Variants in NLRP2 observed in about 807,000 individuals in gnomAD.
The protein encoded by NLRP2 is NACHT, LRR and PYD domains-containing protein 2.
Under a neutral mutation model 97.2 loss-of-function variants are expected in NLRP2, and 107 were observed. That is an observed-to-expected ratio of 1.10 (90% CI 0.94 to 1.29). The LOEUF is 1.29. Ranked by LOEUF, NLRP2 falls within the 50% of genes most tolerant of loss-of-function variation. The pLI is 0.00. For missense variants in NLRP2, 1,495 were observed against 1,330.3 expected, an observed-to-expected ratio of 1.12 and a Z score of -1.93; for synonymous variants, 663 against 551.5, an observed-to-expected ratio of 1.20 and a Z score of -2.83.
intron 8 of NLRP2, among the ~76,000 whole-genome samples, chr19:54,986,929 G>C (rs1342932872): frequency 6.6e-6 from 1 of 151,732 alleles, no homozygotes; most frequent in Non-Finnish European, 1.5e-5. Context: ...CTGTCACCCA[G>C]GCTGGAGTGC....
intron 1 of NLRP2, among the ~76,000 whole-genome samples, chr19:54,968,396 C>T (rs1313261376): frequency 4.0e-5 from 6 of 151,842 alleles, no homozygotes; most frequent in African/African-American, 1.5e-4. Flanking sequence ...GCGATCACAG[C>T]TCACTGCAGC....
At chr19:54,988,092 G>C (rs771101485) in intron 8 of NLRP2, among the ~76,000 whole-genome samples, 1 of 152,102 alleles carries the variant, frequency 6.6e-6, no homozygotes, top group Non-Finnish European at 1.5e-5. Context: ...TACAATCTTA[G>C]GCTGCTTAAT....
chr19:54,974,341 T>A, intron 2 of NLRP2, 159 bp from the exon 3 acceptor site: 2 of 707,196 alleles, frequency 2.8e-6, no homozygotes, highest in South Asian at 1.6e-5. Flanking sequence ...AGAGTGACAC[T>A]CTGTCTCAAA....
At position 55,000,688 on chromosome 19, in the gene NLRP2, C is replaced by A. The variant is rs778518064; in HGVS notation, c.3051-72C>A. On this transcript the variant is annotated intron_variant, in intron 12 of 12. Coordinates refer to ENST00000448584, the MANE Select transcript of NLRP2 (RefSeq NM_017852.5). ...GCCCTGTGCCTCCTTAACAGACTTT[C>A]AGGTACTTGGGAATTTGAAACAAAT... 3 of 1,525,430 alleles carry A rather than the reference C, an allele frequency of 2.0e-6. No individual in the cohort carries two copies. In the East Asian group the frequency reaches 6.8e-5, roughly 35 times the overall value. 94.5% of individuals were successfully genotyped at this position (1,525,430 alleles called of 1,614,324 possible).
chr19:54,988,312 A>AGAT (rs1421536654), intron 8 of NLRP2, among the ~76,000 whole-genome samples: 2 of 151,960 alleles, frequency 1.3e-5, no homozygotes, highest in African/African-American at 4.8e-5. Flanking sequence ...TTTTTTCTCA[A>AGAT]GATATAGTCT....
intron 10 of NLRP2, 47 bp from the exon 11 acceptor site, chr19:54,994,222 A>ATTATAG: frequency 6.2e-7 from 1 of 1,606,548 alleles, no homozygotes; most frequent in Non-Finnish European, 8.5e-7. Context: ...CACAGCAGTG[A>ATTATAG]GAACTCACAG....
intron 12 of NLRP2, among the ~76,000 whole-genome samples, chr19:54,998,275 C>CCCAA (rs1053999082): frequency 1.1e-4 from 16 of 152,080 alleles, no homozygotes; most frequent in Admixed American, 9.8e-4. Context: ...ACCTCAGCAT[C>CCCAA]CCAAAGTGCT....
At chr19:54,971,929 A>T (rs965212066) in intron 2 of NLRP2, among the ~76,000 whole-genome samples, 4 of 151,686 alleles carry the variant, frequency 2.6e-5, no homozygotes, top group African/African-American at 9.7e-5. Context: ...CCCGGGTTCA[A>T]GCGATTCTCC....
At chr19:54,980,267 C>T (rs904578093) in intron 4 of NLRP2, among the ~76,000 whole-genome samples, 2 of 151,714 alleles carry the variant, frequency 1.3e-5, no homozygotes, top group African/African-American at 2.4e-5. Context: ...GGCGCAATCT[C>T]GGCTCACTGC....
intron 2 of NLRP2, among the ~76,000 whole-genome samples, chr19:54,972,855 G>C (rs1302611142): frequency 6.6e-6 from 1 of 152,010 alleles, no homozygotes; most frequent in African/African-American, 2.4e-5. Context: ...CCTGCCTACT[G>C]CCTGGGTTAT....
chr19:54,994,891 G>A (rs2072719793), intron 11 of NLRP2, among the ~76,000 whole-genome samples: 1 of 151,818 alleles, frequency 6.6e-6, no homozygotes, highest in African/African-American at 2.4e-5. Context: ...TTACAGGCGT[G>A]AGCCACTGCG....
chr19:54,989,980 CAAAAA>C, intron 8 of NLRP2, 37 bp from the exon 9 acceptor site: 1 of 1,499,806 alleles, frequency 6.7e-7, no homozygotes, highest in Non-Finnish European at 9.1e-7. Flanking sequence ...GACTCAGTCT[CAAAAA>C]AAAAAAAAAA....
Position 54,970,166 on chromosome 19 carries a change from G to C in NLRP2, c.151G>C (p.Asp51His). Reference sequence around the variant, plus strand: ...CCCCCACAAGGAGGTAGACAAGGCTGATGGGAAGCAACTGGTAGAAATCCT... The same window carrying C: ...CCCCCACAAGGAGGTAGACAAGGCTCATGGGAAGCAACTGGTAGAAATCCT... ...KIPHKEVDKA[D>H]GKQLVEILTT... Residue 51 changes from aspartate (D) to histidine (H), a missense_variant, in exon 2 of 13, where the codon GAT becomes CAT. Coordinates refer to ENST00000448584, the MANE Select transcript of NLRP2 (RefSeq NM_017852.5). 1 of 1,614,124 alleles carries C rather than the reference G, an allele frequency of 6.2e-7. No individual in the cohort carries two copies. The highest frequency in any genetic ancestry group is 1.1e-5 in the South Asian group (1 of 91,082).
rs753776748 is a variant in NLRP2 at position 54,982,635 on chromosome 19, C to A, written c.937C>A (p.Pro313Thr). The A allele has an allele frequency of 3.7e-5, 60 of 1,614,114 alleles. 2 individuals are homozygous for A. The South Asian group carries it at 6.5e-4, about 17-fold the overall frequency. Residue 313 changes from proline (P) to threonine (T), a missense_variant, in exon 6 of 13, where the codon CCG becomes ACG. By Grantham distance (38) the Pro-to-Thr change is conservative (BLOSUM62 -1). Coordinates refer to ENST00000448584, the MANE Select transcript of NLRP2 (RefSeq NM_017852.5). ...CTGCGGGGACTGGGAGAAGAAGAAG[C>A]CGGTGCCCGTCCTCCTGGGGAGTTT... ...DICGDWEKKK[P>T]VPVLLGSLLN...
rs1231821872 is a variant in NLRP2 at position 54,983,746 on chromosome 19, C to T, written c.2030+18C>T. ...GTTGAGAGGTGAGAACCGTTTCACT[C>T]TACCAGTCGTTCCATCTTTAGCCTC... is the stretch of plus-strand genomic sequence containing the variant. On this transcript the variant is annotated intron_variant, in intron 6 of 12. Transcript: ENST00000448584. 8 of 1,605,806 alleles carry T rather than the reference C, an allele frequency of 5.0e-6. No homozygotes were observed. Among genetic ancestry groups the T allele is most frequent in the Non-Finnish European group, 6.8e-6 (8 of 1,179,826 alleles).
At position 54,983,710 on chromosome 19, in the gene NLRP2, C is replaced by G; in HGVS notation, c.2012C>G (p.Ser671Ter). ...NLPENVTASE[S>*]DAEVERSQDD... The stretch of plus-strand genomic sequence containing the variant: ...CCGGAGAATGTCACTGCGTCTGAAT[C>G]AGACGCCGAGGTTGAGAGGTGAGAA... The change falls in exon 6 of 13, where the codon TCA (serine) becomes TGA (stop). Residue 671 changes from serine (S) to a stop codon, truncating the protein, a stop_gained. Coordinates refer to ENST00000448584, the MANE Select transcript of NLRP2 (RefSeq NM_017852.5). LOFTEE classifies it high-confidence loss of function. 1.2e-6 allele frequency: 2 copies of G among 1,612,230 alleles called. No homozygotes were observed. The highest frequency in any genetic ancestry group is 1.7e-6 in the Non-Finnish European group (2 of 1,179,954).
rs190476391 is a variant in NLRP2 at position 54,970,548 on chromosome 19, C to T, written c.280+253C>T. On this transcript the variant is annotated intron_variant, in intron 2 of 12. Transcript: ENST00000448584. ...CAGACACCTGTAATCCCAGCTACTC[C>T]GGGAGGCTGAGGCAGGAGAATCACT... 1.3e-4 allele frequency among the ~76,000 whole-genome samples: 20 copies of T among 151,648 alleles called. No individual in the cohort carries two copies. In the East Asian group the frequency reaches 2.9e-3, roughly 22 times the overall value.
intron 1 of NLRP2, among the ~76,000 whole-genome samples, chr19:54,967,409 G>A (rs1350946695): frequency 7.5e-6 from 1 of 133,650 alleles, no homozygotes; most frequent in Non-Finnish European, 1.6e-5. Flanking sequence ...TTGAACCCGG[G>A]AAGCGGAGGT....
chr19:54,986,498 C>A lies in NLRP2; in HGVS notation c.2366+183C>A, dbSNP rs2072096805. On this transcript the variant is annotated intron_variant, in intron 8 of 12. Transcript: ENST00000448584. ...TCTACTTGCCTTGAACAGTAAACAC[C>A]CTGGACAACCATACGTGAGGACCCT... 4.6e-6 allele frequency: 3 copies of A among 656,120 alleles called. No individual in the cohort carries two copies. In the African/African-American group the frequency reaches 5.4e-5, roughly 12 times the overall value. The allele number at this position is 656,120 out of a possible 1,614,324, so 40.6% of individuals were successfully genotyped here.
Sources: allele counts gnomAD v4.1 joint callset (sites outside exome capture counted in the v4.1 genomes callset), GRCh38; gene constraint gnomAD v4.1.1; transcripts MANE v1.5; gene names NCBI Gene and HGNC (gene_info 2026-07-23, HGNC 2026-07-21).